The following MYOM2 variants were observed in gnomAD, a reference collection of about 807,000 sequenced individuals.
The protein encoded by MYOM2 is myomesin 2.
A neutral mutation model predicts 187.6 loss-of-function variants in MYOM2; 254 were observed. The ratio of observed to expected loss-of-function variants is 1.35; its 90% confidence interval spans 1.22 to 1.50. The LOEUF is 1.50. Ranked by LOEUF, MYOM2 falls within the 40% of genes most tolerant of loss-of-function variation. MYOM2 has a pLI of 0.00. For synonymous variants in MYOM2, 981 were observed against 753.8 expected, an observed-to-expected ratio of 1.30 and a Z score of -4.94; for missense variants, 2,796 against 1,924.0, an observed-to-expected ratio of 1.45 and a Z score of -8.48.
intron 1 of MYOM2, among the ~76,000 whole-genome samples, chr8:2,049,168 C>T (rs563407657): frequency 8.5e-5 from 13 of 152,144 alleles, no homozygotes; most frequent in Admixed American, 7.2e-4. Context: ...CTCTAAAACA[C>T]GGCTGGGCCC....
Position 2,109,418 on chromosome 8 carries a change from G to T in MYOM2, c.3067G>T (p.Ala1023Ser). 6.2e-7 allele frequency: 1 copy of T among 1,610,828 alleles called. No homozygotes were observed. Among genetic ancestry groups the T allele is most frequent in the South Asian group, 1.1e-5 (1 of 90,598 alleles). ...NPTIPLKSELAYEIFDKGRVR... is the reference protein window; with the variant it reads ...NPTIPLKSELSYEIFDKGRVR... Reference sequence around the variant, plus strand: ...AGCAATTCCTCTGAAATCGGAATTAGCTTATGAGATTTTTGATAAGGGGCG... The same window carrying T: ...AGCAATTCCTCTGAAATCGGAATTATCTTATGAGATTTTTGATAAGGGGCG... The change falls in exon 25 of 37, where the codon GCT becomes TCT. Residue 1023 changes from alanine (A) to serine (S), a missense_variant. By Grantham distance (99) the Ala-to-Ser change is moderately conservative. Transcript: ENST00000262113.
At chr8:2,076,524 T>C (rs1461419648) in intron 11 of MYOM2, 2 of 521,682 alleles carry the variant, frequency 3.8e-6, no homozygotes, top group Admixed American at 3.5e-5. Flanking sequence ...CGTTTGCCTG[T>C]TGCACACCCA....
chr8:2,084,862 C>T lies in MYOM2; in HGVS notation c.1517-401C>T, dbSNP rs142717235. The T allele has an allele frequency of 2.6e-3, 439 of 171,576 alleles. 1 individual carries two copies. The highest frequency in any genetic ancestry group is 4.0e-3 in the Non-Finnish European group (319 of 80,442). 10.6% of individuals were successfully genotyped at this position (171,576 alleles called of 1,614,324 possible). On this transcript the variant is annotated intron_variant, in intron 13 of 36. Coordinates refer to ENST00000262113, the MANE Select transcript of MYOM2 (RefSeq NM_003970.4). Reference sequence around the variant, plus strand: ...CAGAGGGGATCCTTAGAGGTGGGGCCGCCTCCATCCGCGGTGCTTCTGTAT... The same window carrying T: ...CAGAGGGGATCCTTAGAGGTGGGGCTGCCTCCATCCGCGGTGCTTCTGTAT...
chr8:2,075,292 C>T (rs1255884918), intron 10 of MYOM2, among the ~76,000 whole-genome samples: 2 of 152,114 alleles, frequency 1.3e-5, no homozygotes, highest in East Asian at 1.9e-4. Context: ...TGATGCTCCG[C>T]CCCATAAAAA....
chr8:2,110,865 T>C lies in MYOM2; in HGVS notation c.3180+1334T>C, dbSNP rs56959906. ...AGTCTTGCAGGTAAGGATCATAGAA[T>C]TTTCTTCTCCAGTCAGTCTTTCCCA... On this transcript the variant is annotated intron_variant, in intron 25 of 36. Transcript: ENST00000262113. 5.9e-3 allele frequency among the ~76,000 whole-genome samples: 895 copies of C among 152,282 alleles called. 10 individuals are homozygous for C. The highest frequency in any genetic ancestry group is 0.021 in the African/African-American group (853 of 41,550).
chr8:2,052,351 C>T (rs769224326), intron 3 of MYOM2, 38 bp downstream of exon 3: 53 of 1,559,186 alleles, frequency 3.4e-5, no homozygotes, highest in Non-Finnish European at 4.1e-5. Flanking sequence ...TTGTGCCCTG[C>T]GTGGGGTCAC....
intron 17 of MYOM2, among the ~76,000 whole-genome samples, chr8:2,095,091 C>G (rs534750919): frequency 2.0e-5 from 3 of 152,304 alleles, no homozygotes; most frequent in African/African-American, 2.4e-5. Context: ...AAATTTGCAA[C>G]ATTTTCAGAA....
At chr8:2,062,840 A>G (rs1818895255) in intron 6 of MYOM2, among the ~76,000 whole-genome samples, 1 of 152,236 alleles carries the variant, frequency 6.6e-6, no homozygotes, top group Non-Finnish European at 1.5e-5. Context: ...TGTTTTAAAA[A>G]GAAAAGAATG....
intron 30 of MYOM2, 112 bp downstream of exon 30, chr8:2,123,754 C>A: frequency 1.1e-6 from 1 of 883,370 alleles, no homozygotes; most frequent in East Asian, 2.5e-5. Flanking sequence ...CACATTGTGT[C>A]TTTAGCAGTA....
At chr8:2,128,837 TAAGC>T (rs1038604400) in intron 31 of MYOM2, among the ~76,000 whole-genome samples, 6 of 152,248 alleles carry the variant, frequency 3.9e-5, no homozygotes, top group African/African-American at 1.2e-4. Flanking sequence ...CTCCTTTTCT[TAAGC>T]AAAGCTGCTG....
intron 15 of MYOM2, among the ~76,000 whole-genome samples, chr8:2,091,635 G>A (rs534446199): frequency 3.6e-4 from 55 of 152,318 alleles, no homozygotes; most frequent in African/African-American, 1.2e-3. Flanking sequence ...GCTGCCTCCA[G>A]GGCATCCTCA....
intron 14 of MYOM2, among the ~76,000 whole-genome samples, chr8:2,089,304 C>T (rs1354450982): frequency 2.6e-5 from 1 of 38,586 alleles, no homozygotes; most frequent in Non-Finnish European, 7.9e-5. Context: ...AGAGAAGTTA[C>T]ATGGAATGCA....
chr8:2,088,251 G>A (rs1431029231), intron 14 of MYOM2, among the ~76,000 whole-genome samples: 1 of 152,076 alleles, frequency 6.6e-6, no homozygotes, highest in Admixed American at 6.5e-5. Flanking sequence ...TCATTCTTAT[G>A]CCTTTGCAGC....
chr8:2,058,795 G>A (rs772877451), intron 5 of MYOM2, among the ~76,000 whole-genome samples: 4 of 152,118 alleles, frequency 2.6e-5, no homozygotes, highest in Non-Finnish European at 4.4e-5. Context: ...GTTAGGTCCC[G>A]CAGAACTCCC....
At chr8:2,122,189 T>C (rs11780530) in intron 28 of MYOM2, among the ~76,000 whole-genome samples, 59,910 of 151,986 alleles carry the variant, frequency 0.39, 12,036 homozygotes, top group Non-Finnish European at 0.44. Flanking sequence ...TTTTGAAATG[T>C]TAAAGTAAAG....
rs1018493989 is a variant in MYOM2, at chr8:2,086,478, A to G, written c.1644+1088A>G. ...GATCTCCACGTGGCCACACACTGTC[A>G]TGATCTCTGTGTGGCCCCCCACTGT... is the stretch of plus-strand genomic sequence containing the variant. On this transcript the variant is annotated intron_variant, in intron 14 of 36. Transcript: ENST00000262113. Among the ~76,000 whole-genome samples, 252 of 102,662 alleles carry G rather than the reference A, an allele frequency of 2.5e-3. 4 individuals are homozygous for G. Among genetic ancestry groups the G allele is most frequent in the African/African-American group, 5.8e-3 (115 of 19,874 alleles). The allele number at this position is 102,662 out of a possible 152,430, so 67.4% of individuals were successfully genotyped here. A position where few individuals can be genotyped will look rare whatever the true frequency, so the allele number is the denominator to read the frequency against.
chr8:2,078,966 C>T (rs1819529500), intron 12 of MYOM2, 33 bp downstream of exon 12: 3 of 1,600,876 alleles, frequency 1.9e-6, no homozygotes, highest in Non-Finnish European at 2.6e-6. Context: ...TCCACTGTGC[C>T]CAGGAAGCTT....
At chr8:2,067,402 A>G (rs1289214740) in intron 6 of MYOM2, among the ~76,000 whole-genome samples, 2 of 152,152 alleles carry the variant, frequency 1.3e-5, no homozygotes, top group African/African-American at 4.8e-5. Flanking sequence ...AAAGAATGCA[A>G]TTTTGGAGTC....
intron 23 of MYOM2, 25 bp from the exon 24 acceptor site, chr8:2,108,761 T>C (rs1241317776): frequency 1.9e-6 from 3 of 1,613,570 alleles, no homozygotes; most frequent in South Asian, 1.1e-5. Context: ...TCCAGATGAA[T>C]TGAAATACTT....
Sources: gnomAD v4.1 joint callset for allele counts (sites outside exome capture counted in the v4.1 genomes callset) on GRCh38, gnomAD v4.1.1 for gene constraint, MANE v1.5 for transcripts, NCBI Gene and HGNC (gene_info 2026-07-23, HGNC 2026-07-21) for gene names.